The following MYO16 variants were observed in gnomAD, a reference collection of about 807,000 sequenced individuals.
MYO16 encodes the protein unconventional myosin-XVI.
In MYO16, 94 loss-of-function variants were observed where a neutral mutation model predicts 205.3. That is an observed-to-expected ratio of 0.46 (90% CI 0.39 to 0.54). MYO16 has a LOEUF of 0.54. MYO16 is among the 20% of genes least tolerant of loss of function. MYO16 has a pLI of 0.00. For missense variants in MYO16, 2,315 were observed against 2,387.5 expected (o/e 0.97, Z 0.63); for synonymous variants, 988 against 954.0 (o/e 1.04, Z -0.66).
intron 15 of MYO16, among the ~76,000 whole-genome samples, chr13:108,899,736 G>A (rs1289851555): frequency 6.6e-6 from 1 of 152,162 alleles, no homozygotes; most frequent in Admixed American, 6.5e-5. Flanking sequence ...GGGCTGTGGC[G>A]ATGTTCTCTA....
intron 1 of MYO16, among the ~76,000 whole-genome samples, chr13:108,617,382 A>G (rs1458833307): frequency 6.6e-6 from 1 of 152,098 alleles, no homozygotes; most frequent in Non-Finnish European, 1.5e-5. Flanking sequence ...CATTCCTTCT[A>G]TGCATTCTGC....
chr13:108,496,254 G>C, the MYO16 span, among the ~76,000 whole-genome samples: 32 of 152,350 alleles, frequency 2.1e-4, no homozygotes, highest in South Asian at 6.0e-3. Flanking sequence ...CCCAGAAGGA[G>C]GGGGCGAAAC....
intron 27 of MYO16, among the ~76,000 whole-genome samples, chr13:109,078,070 G>A (rs756231393): frequency 3.0e-4 from 46 of 151,922 alleles, no homozygotes; most frequent in Non-Finnish European, 5.6e-4. Flanking sequence ...CCAATTCAAT[G>A]CATTTTTTGG....
At chr13:109,123,161 A>G (rs1019850094) in intron 29 of MYO16, among the ~76,000 whole-genome samples, 1 of 152,170 alleles carries the variant, frequency 6.6e-6, no homozygotes, top group South Asian at 2.1e-4. Context: ...ATTAGTGGCA[A>G]TTTTATTTTT....
At chr13:108,762,890 C>T (rs113487498) in intron 4 of MYO16, among the ~76,000 whole-genome samples, 7 of 152,088 alleles carry the variant, frequency 4.6e-5, no homozygotes, top group Non-Finnish European at 7.4e-5. Flanking sequence ...AGGGGTTTAC[C>T]TTTTCCCCAT....
chr13:109,010,068 T>G (rs1300345158), intron 22 of MYO16, among the ~76,000 whole-genome samples: 1 of 152,188 alleles, frequency 6.6e-6, no homozygotes, highest in Non-Finnish European at 1.5e-5. Flanking sequence ...TTTCAAGGAT[T>G]ACCTATTTGT....
chr13:108,655,942 G>A (rs1881223833), intron 1 of MYO16, among the ~76,000 whole-genome samples: 1 of 152,094 alleles, frequency 6.6e-6, no homozygotes, highest in East Asian at 1.9e-4. Context: ...GCTTGCTTTC[G>A]ATTTTACAGG....
At chr13:108,723,863 C>T (rs963024502) in intron 3 of MYO16, among the ~76,000 whole-genome samples, 2 of 151,932 alleles carry the variant, frequency 1.3e-5, no homozygotes, top group Non-Finnish European at 2.9e-5. Context: ...AAAAAAAAAC[C>T]CTTCTGGAAT....
In MYO16 at chr13:109,116,752, C is replaced by G. The variant is rs995839559; in HGVS notation, c.3439-3618C>G. The stretch of plus-strand genomic sequence containing the variant: ...GAGGAGATGACAGGGTCAGCTAGTT[C>G]CTGGTTCCCCAGCCTATGGCTGCAC... On this transcript the variant is annotated intron_variant, in intron 28 of 34. Coordinates refer to ENST00000457511, the MANE Select transcript of MYO16 (RefSeq NM_001198950.3). Among the ~76,000 whole-genome samples the G allele has an allele frequency of 2.0e-5, 3 of 152,304 alleles. No homozygotes were observed. The East Asian group carries it at 5.8e-4, about 29-fold the overall frequency.
chr13:108,771,074 T>C lies in MYO16; in HGVS notation c.508-14561T>C, dbSNP rs554251866. Among the ~76,000 whole-genome samples, 161 of 152,220 alleles carry C rather than the reference T, an allele frequency of 1.1e-3. 1 individual carries two copies. Among genetic ancestry groups the C allele is most frequent in the Non-Finnish European group, 2.0e-3 (137 of 68,008 alleles). ...GGCGTATTTTCTGATCTAAAGTGTA[T>C]ATATTTAGGACTATAAAGGGGAGGA... On this transcript the variant is annotated intron_variant, in intron 4 of 34. Coordinates refer to ENST00000457511, the MANE Select transcript of MYO16 (RefSeq NM_001198950.3).
the MYO16 span, among the ~76,000 whole-genome samples, chr13:108,503,983 T>C: frequency 6.6e-6 from 1 of 152,182 alleles, no homozygotes; most frequent in African/African-American, 2.4e-5. Context: ...TTTTTGCCTT[T>C]ACTTGGTGTC....
the MYO16 span, among the ~76,000 whole-genome samples, chr13:108,528,546 TCTCTCCTCTC>T: frequency 0.026 from 2,711 of 104,258 alleles, 159 homozygotes; most frequent in African/African-American, 0.11. Context: ...TTTTATTTTG[TCTCTCCTCTC>T]CTCTCCTCTC....
In MYO16 at chr13:108,962,182, G is replaced by A. The variant is rs1297610497; in HGVS notation, c.2156-242G>A. 2.0e-5 allele frequency among the ~76,000 whole-genome samples: 3 copies of A among 152,296 alleles called. No homozygotes were observed. The East Asian group carries it at 5.8e-4, about 29-fold the overall frequency. On this transcript the variant is annotated intron_variant, in intron 18 of 34. Transcript: ENST00000457511. ...AAAACAATTCCATACCATCTGTGAG[G>A]ACAGGGAGGAAAAACATCCGCTGTG... is the stretch of plus-strand genomic sequence containing the variant.
intron 2 of MYO16, among the ~76,000 whole-genome samples, chr13:108,679,989 C>T (rs977205167): frequency 6.6e-6 from 1 of 152,166 alleles, no homozygotes; most frequent in African/African-American, 2.4e-5. Flanking sequence ...CCAATACTTG[C>T]AGCTCTTTCT....
At chr13:108,671,823 CTTCTT>C (rs1190044908) in intron 2 of MYO16, among the ~76,000 whole-genome samples, 3 of 152,118 alleles carry the variant, frequency 2.0e-5, no homozygotes, top group Non-Finnish European at 4.4e-5. Flanking sequence ...TCTGATTTCT[CTTCTT>C]TTAAGAGCAC....
chr13:109,076,644 A>T (rs1888115546), intron 27 of MYO16, among the ~76,000 whole-genome samples: 1 of 151,888 alleles, frequency 6.6e-6, no homozygotes. Context: ...GACACCTAAC[A>T]CTCCGCAAGA....
At chr13:108,770,533 A>G (rs1359575188) in intron 4 of MYO16, among the ~76,000 whole-genome samples, 3 of 152,108 alleles carry the variant, frequency 2.0e-5, no homozygotes, top group Non-Finnish European at 4.4e-5. Context: ...TATCTCCCAA[A>G]CTGTCACATT....
At chr13:108,619,214 T>A (rs1330184785) in intron 1 of MYO16, among the ~76,000 whole-genome samples, 1 of 152,272 alleles carries the variant, frequency 6.6e-6, no homozygotes. Flanking sequence ...TATATCAATA[T>A]CTTCTGTGGT....
chr13:108,632,009 C>T (rs1287117650), intron 1 of MYO16, among the ~76,000 whole-genome samples: 2 of 139,064 alleles, frequency 1.4e-5, no homozygotes, highest in Non-Finnish European at 3.0e-5. Context: ...ACCCGGGAGG[C>T]GGAGCTTGCG....
Sources: gnomAD v4.1 joint callset for allele counts (sites outside exome capture counted in the v4.1 genomes callset) on GRCh38, gnomAD v4.1.1 for gene constraint, MANE v1.5 for transcripts, NCBI Gene and HGNC (gene_info 2026-07-23, HGNC 2026-07-21) for gene names.